Variants in RXFP2 observed in about 807,000 individuals in gnomAD.
The protein encoded by RXFP2 is relaxin receptor 2.
RXFP2 carries 68 observed loss-of-function variants against 88.6 expected under a neutral mutation model. That is an observed-to-expected ratio of 0.77 (90% confidence interval 0.63 to 0.94). The LOEUF (loss-of-function observed/expected upper bound fraction) is 0.94. RXFP2 is among the 40% of genes least tolerant of loss of function. The pLI, the probability that RXFP2 is intolerant of heterozygous loss-of-function variation, is 0.00. For missense variants in RXFP2, 791 were observed against 893.9 expected (o/e 0.88, Z 1.47); for synonymous variants, 329 against 306.8 (o/e 1.07, Z -0.76).
rs1247811507 is a variant in RXFP2 at position 31,803,006 on chromosome 13, C to T, written c.*601C>T. On this transcript the variant is annotated 3_prime_UTR_variant, in exon 18 of 18. Transcript: ENST00000298386. ...TGACCAGAGAGTCACACTGATGAAGCCTCATACCATTTGCCTTTTGGATTT... is the reference window on the plus strand; with the variant it reads ...TGACCAGAGAGTCACACTGATGAAGTCTCATACCATTTGCCTTTTGGATTT... The T allele has an allele frequency of 2.0e-5, 3 of 152,726 alleles. No individual in the cohort carries two copies. Among genetic ancestry groups the T allele is most frequent in the African/African-American group, 7.2e-5 (3 of 41,438 alleles). The allele number at this position is 152,726 out of a possible 1,614,324, so 9.5% of individuals were successfully genotyped here.
chr13:31,759,429 G>GAA (rs1260428117), intron 2 of RXFP2, among the ~76,000 whole-genome samples: 1 of 144,178 alleles, frequency 6.9e-6, no homozygotes, highest in Non-Finnish European at 1.6e-5. Context: ...AAGAAAGAAA[G>GAA]AAAGAAAGAA....
At chr13:31,766,576 A>G (rs1872559255) in intron 5 of RXFP2, among the ~76,000 whole-genome samples, 1 of 152,174 alleles carries the variant, frequency 6.6e-6, no homozygotes, top group South Asian at 2.1e-4. Context: ...AGAATCATCC[A>G]AGAAAGAAAA....
chr13:31,742,459 G>T (rs1871256814), intron 1 of RXFP2, among the ~76,000 whole-genome samples: 1 of 152,202 alleles, frequency 6.6e-6, no homozygotes, highest in South Asian at 2.1e-4. Context: ...TTTCAGGCCA[G>T]TCATCCCGAA....
intron 3 of RXFP2, among the ~76,000 whole-genome samples, chr13:31,763,695 T>C (rs1279780994): frequency 1.3e-5 from 2 of 152,140 alleles, no homozygotes; most frequent in African/African-American, 4.8e-5. Context: ...TTGCAGGTGA[T>C]GGAGGGTGAA....
chr13:31,759,679 C>T (rs560176638), intron 2 of RXFP2, among the ~76,000 whole-genome samples: 20 of 152,290 alleles, frequency 1.3e-4, no homozygotes, highest in African/African-American at 4.1e-4. Flanking sequence ...CTGGAGGAAA[C>T]TGATGCCAAG....
At chr13:31,783,982 A>G (rs1873404745) in intron 11 of RXFP2, among the ~76,000 whole-genome samples, 1 of 18,858 alleles carries the variant, frequency 5.3e-5, no homozygotes, top group Non-Finnish European at 1.8e-4. Context: ...ATGCCTGGCT[A>G]ATTTTTTTTT....
intron 9 of RXFP2, 27 bp downstream of exon 9, chr13:31,778,610 G>T: frequency 6.7e-7 from 1 of 1,482,614 alleles, no homozygotes; most frequent in Non-Finnish European, 9.4e-7. Flanking sequence ...GAATTAATTT[G>T]TTATTTGCCC....
At chr13:31,755,613 C>G (rs1408833610) in intron 1 of RXFP2, among the ~76,000 whole-genome samples, 2 of 152,158 alleles carry the variant, frequency 1.3e-5, no homozygotes, top group African/African-American at 4.8e-5. Flanking sequence ...GAGGACTACT[C>G]ATTTTTATAA....
intron 9 of RXFP2, among the ~76,000 whole-genome samples, chr13:31,780,543 A>G (rs1200954663): frequency 1.3e-5 from 2 of 152,256 alleles, no homozygotes; most frequent in African/African-American, 2.4e-5. Context: ...GGATTTTCTT[A>G]AAATGACAAA....
intron 17 of RXFP2, 65 bp downstream of exon 17, chr13:31,797,484 G>T: frequency 1.7e-6 from 2 of 1,151,550 alleles, no homozygotes; most frequent in South Asian, 2.5e-5. Context: ...CTTTTGACAA[G>T]GCCAGAGTCT....
intron 5 of RXFP2, among the ~76,000 whole-genome samples, chr13:31,772,980 T>C (rs1872788868): frequency 6.6e-6 from 1 of 152,284 alleles, no homozygotes; most frequent in Non-Finnish European, 1.5e-5. Context: ...AAGCAGTGAA[T>C]TGTATATTTA....
rs376556832 is a variant in RXFP2, at chr13:31,759,077, G to A, written c.241+673G>A. Reference sequence around the variant, plus strand: ...AAAAAAAAATGCATAAAGTGTGAATGGGCCTAGCTAAAGAATTAATTGATA... The same window carrying A: ...AAAAAAAAATGCATAAAGTGTGAATAGGCCTAGCTAAAGAATTAATTGATA... On this transcript the variant is annotated intron_variant, in intron 2 of 17. Transcript: ENST00000298386. 1.4e-3 allele frequency among the ~76,000 whole-genome samples: 215 copies of A among 150,868 alleles called. 2 individuals carry two copies. The highest frequency in any genetic ancestry group is 4.8e-3 in the African/African-American group (197 of 41,088).
chr13:31,741,962 T>G (rs955320523), intron 1 of RXFP2, among the ~76,000 whole-genome samples: 4 of 152,114 alleles, frequency 2.6e-5, no homozygotes, highest in Admixed American at 1.3e-4. Flanking sequence ...TTCATGTAAT[T>G]GTTAGTAACT....
Position 31,793,037 on chromosome 13 carries a change from G to T in RXFP2, c.1735G>T (p.Asp579Tyr). Residue 579 changes from aspartate (D) to tyrosine (Y), a missense_variant, in exon 16 of 18, where the codon GAC (aspartate) becomes TAC (tyrosine). Coordinates refer to ENST00000298386, the MANE Select transcript of RXFP2 (RefSeq NM_130806.5). ...KNGVCFPLYY[D>Y]QTEDIGSKGY... The stretch of plus-strand genomic sequence containing the variant: ...TGGAGTATGTTTCCCACTTTATTAT[G>T]ACCAAACAGAAGATATTGGAAGCAA... The T allele has an allele frequency of 1.2e-6, 2 of 1,613,282 alleles. No individual in the cohort carries two copies. The highest frequency in any genetic ancestry group is 1.1e-5 in the South Asian group (1 of 91,002).
chr13:31,744,985 A>C (rs144239157), intron 1 of RXFP2, among the ~76,000 whole-genome samples: 1 of 152,128 alleles, frequency 6.6e-6, no homozygotes, highest in Admixed American at 6.5e-5. Flanking sequence ...CCTGGCCAAC[A>C]TGGTGAAACC....
At position 31,739,676 on chromosome 13, in the gene RXFP2, CTTCAT is replaced by C. The variant is rs751898780; in HGVS notation, c.70_74del (p.Phe24ArgfsTer14). 5.1e-5 allele frequency: 82 copies of C among 1,608,924 alleles called. No individual in the cohort carries two copies. Among genetic ancestry groups the C allele is most frequent in the Non-Finnish European group, 6.8e-6 (8 of 1,175,472 alleles). The stretch of plus-strand genomic sequence containing the variant: ...CAGATTGATTACAATGTTCTTTCTA[CTTCAT>C]TTCATCGTTCTGATCAATGTCAAAG... On this transcript the variant is annotated frameshift_variant, in exon 1 of 18. Transcript: ENST00000298386. LOFTEE classifies it high-confidence loss of function.
chr13:31,760,217 T>C (rs1295622129), intron 2 of RXFP2, among the ~76,000 whole-genome samples: 1 of 152,102 alleles, frequency 6.6e-6, no homozygotes, highest in Non-Finnish European at 1.5e-5. Flanking sequence ...GCCTCATGAG[T>C]AGCTGGGATT....
At chr13:31,775,153 A>G (rs1376636691) in intron 6 of RXFP2, among the ~76,000 whole-genome samples, 165 bp from the exon 7 acceptor site, 1 of 152,160 alleles carries the variant, frequency 6.6e-6, no homozygotes, top group Non-Finnish European at 1.5e-5. Context: ...GGTTATCTGT[A>G]CCTTCTGGAT....
intron 1 of RXFP2, among the ~76,000 whole-genome samples, chr13:31,753,650 C>G (rs1024000231): frequency 6.6e-6 from 1 of 152,088 alleles, no homozygotes; most frequent in African/African-American, 2.4e-5. Context: ...GTACCAAGTA[C>G]AGCAGGGGTT....
Sources: gnomAD v4.1 joint callset for allele counts (sites outside exome capture counted in the v4.1 genomes callset) on GRCh38, gnomAD v4.1.1 for gene constraint, MANE v1.5 for transcripts, NCBI Gene and HGNC (gene_info 2026-07-23, HGNC 2026-07-21) for gene names.